ERC1: variants seen among roughly 807,000 people sequenced by gnomAD.
ERC1 encodes ELKS/RAB6-interacting/CAST family member 1.
Under a neutral mutation model 132.0 loss-of-function variants are expected in ERC1, and 56 were observed. The observed-to-expected ratio is 0.42, with a 90% CI of 0.34 to 0.53. The LOEUF (loss-of-function observed/expected upper bound fraction) is 0.53. Among genes scored for constraint, ERC1 ranks in the 20% least tolerant of loss-of-function variants. The probability of loss-of-function intolerance (pLI) is 0.03; values close to 1 mark genes in which losing one functional copy is unlikely to be tolerated. For missense variants in ERC1, 1,202 were observed against 1,349.9 expected, an observed-to-expected ratio of 0.89 and a Z score of 1.72; for synonymous variants, 478 against 476.1, an observed-to-expected ratio of 1.00 and a Z score of -0.05.
intron 15 of ERC1, among the ~76,000 whole-genome samples, chr12:1,358,947 T>G (rs964890329): frequency 7.5e-6 from 1 of 133,154 alleles, no homozygotes; most frequent in Non-Finnish European, 1.6e-5. Context: ...ATGACATAAA[T>G]CTTCTTACAT....
intron 1 of ERC1, among the ~76,000 whole-genome samples, chr12:995,602 A>G (rs1188166419): frequency 1.3e-5 from 2 of 152,154 alleles, no homozygotes; most frequent in Non-Finnish European, 2.9e-5. Flanking sequence ...TCTTTGTAGT[A>G]TTTATGATTA....
intron 15 of ERC1, among the ~76,000 whole-genome samples, chr12:1,364,172 A>G (rs936248628): frequency 1.3e-5 from 2 of 152,222 alleles, no homozygotes; most frequent in Non-Finnish European, 2.9e-5. Context: ...CTTGAATCCA[A>G]GAGTCAGACA....
Position 1,493,261 on chromosome 12 carries a change from G to A in ERC1, c.*3031G>A, listed in dbSNP as rs1362027447. The stretch of plus-strand genomic sequence containing the variant: ...TAACATGTTTAAGAAATATGGATGG[G>A]GCCGGCCACAGTGGCTCACGCCTGT... On this transcript the variant is annotated 3_prime_UTR_variant, in exon 19 of 19. Transcript: ENST00000360905. 5.4e-6 allele frequency: 1 copy of A among 186,468 alleles called. No homozygotes were observed. The highest frequency in any genetic ancestry group is 1.1e-5 in the Non-Finnish European group (1 of 88,356). 11.6% of individuals were successfully genotyped at this position (186,468 alleles called of 1,614,324 possible). A position where few individuals can be genotyped will look rare whatever the true frequency, so the allele number is the denominator to read the frequency against.
At chr12:1,302,946 A>C (rs1006126880) in intron 15 of ERC1, among the ~76,000 whole-genome samples, 1 of 152,044 alleles carries the variant, frequency 6.6e-6, no homozygotes, top group Admixed American at 6.5e-5. Flanking sequence ...CTGGGTGATA[A>C]AGTGAGATCT....
intron 3 of ERC1, among the ~76,000 whole-genome samples, chr12:1,096,102 G>GT (rs978855782): frequency 1.3e-5 from 2 of 151,838 alleles, no homozygotes; most frequent in African/African-American, 4.8e-5. Flanking sequence ...AGTTTTATGT[G>GT]TTTTTCATAG....
In ERC1 at chr12:1,181,990, T is replaced by C. The variant is rs1327515450; in HGVS notation, c.1941T>C (p.Ile647=). The C allele has an allele frequency of 6.2e-7, 1 of 1,614,034 alleles. No homozygotes were observed. The highest frequency in any genetic ancestry group is 1.1e-5 in the South Asian group (1 of 91,064). Residue 647 remains isoleucine (I), a synonymous_variant, in exon 10 of 19, where the codon ATT becomes ATC. Coordinates refer to ENST00000360905, the MANE Select transcript of ERC1 (RefSeq NM_178040.4). The part of the protein sequence containing the change: ...DRDEREKQEE[I]DNYKKDLKDL... ...ATGAGCGAGAGAAGCAAGAGGAAATTGATAACTACAAAAAAGATCTTAAAG... is the reference window on the plus strand; with the variant it reads ...ATGAGCGAGAGAAGCAAGAGGAAATCGATAACTACAAAAAAGATCTTAAAG...
chr12:1,122,701 C>CTCTATCTCTA (rs1206212267), intron 7 of ERC1, among the ~76,000 whole-genome samples: 2 of 152,260 alleles, frequency 1.3e-5, no homozygotes, highest in African/African-American at 2.4e-5. Flanking sequence ...CTATCTAAAT[C>CTCTATCTCTA]TCTGAAACAG....
At chr12:1,029,744 CTTTTTTT>C (rs747890124) in intron 2 of ERC1, among the ~76,000 whole-genome samples, 1 of 114,236 alleles carries the variant, frequency 8.8e-6, no homozygotes, top group Admixed American at 1.1e-4. Context: ...GTTAAACATA[CTTTTTTT>C]TTTTTTTTTT....
intron 15 of ERC1, among the ~76,000 whole-genome samples, chr12:1,333,473 C>T (rs1031871646): frequency 6.6e-6 from 1 of 151,704 alleles, no homozygotes; most frequent in Non-Finnish European, 1.5e-5. Flanking sequence ...GCTCAGATTA[C>T]AGGCACGTGC....
intron 8 of ERC1, 25 bp from the exon 9 acceptor site, chr12:1,180,515 C>T (rs760152741): frequency 1.5e-5 from 24 of 1,608,730 alleles, no homozygotes; most frequent in Non-Finnish European, 1.8e-5. Flanking sequence ...CCTCTCTTTT[C>T]CCTTAAATAT....
chr12:998,228 A>G (rs1961351477), intron 1 of ERC1: 1 of 152,220 alleles, frequency 6.6e-6, no homozygotes, highest in Non-Finnish European at 1.5e-5. Context: ...CTATTTTACT[A>G]TCCTGTTCTT....
In ERC1 at chr12:1,181,989, T is replaced by G; in HGVS notation, c.1940T>G (p.Ile647Ser). 1 of 1,614,002 alleles carries G rather than the reference T, an allele frequency of 6.2e-7. No individual in the cohort carries two copies. Among genetic ancestry groups the G allele is most frequent in the Non-Finnish European group, 8.5e-7 (1 of 1,179,958 alleles). ...GATGAGCGAGAGAAGCAAGAGGAAATTGATAACTACAAAAAAGATCTTAAA... is the reference window on the plus strand; with the variant it reads ...GATGAGCGAGAGAAGCAAGAGGAAAGTGATAACTACAAAAAAGATCTTAAA... ...DRDEREKQEEIDNYKKDLKDL... is the reference protein window; with the variant it reads ...DRDEREKQEESDNYKKDLKDL... The change falls in exon 10 of 19, where the codon ATT becomes AGT. Residue 647 changes from isoleucine (I) to serine (S), a missense_variant. Physicochemically the swap from Ile to Ser is moderately radical, Grantham distance 142. Coordinates refer to ENST00000360905, the MANE Select transcript of ERC1 (RefSeq NM_178040.4).
intron 1 of ERC1, among the ~76,000 whole-genome samples, chr12:1,015,716 T>A (rs1368771423): frequency 6.6e-6 from 1 of 152,224 alleles, no homozygotes; most frequent in Non-Finnish European, 1.5e-5. Flanking sequence ...AGCATATTTC[T>A]CGTCCCTAGT....
chr12:1,114,136 G>T (rs1160520215), intron 6 of ERC1, among the ~76,000 whole-genome samples: 1 of 152,070 alleles, frequency 6.6e-6, no homozygotes, highest in African/African-American at 2.4e-5. Flanking sequence ...CGATTCTCCT[G>T]CCTCAGCCTC....
intron 7 of ERC1, among the ~76,000 whole-genome samples, chr12:1,133,048 G>T (rs1168435855): frequency 2.0e-5 from 3 of 151,792 alleles, no homozygotes; most frequent in Admixed American, 2.0e-4. Flanking sequence ...AGTAGAGACG[G>T]GATTTCACAT....
rs1011549266 is a variant in ERC1, at chr12:1,494,318, G to A, written c.*4088G>A. ...AGCCCTGGGCTGCTCAGGAGGGGAC[G>A]TGAACCACTCAAAGGAATGTCTTAA... On this transcript the variant is annotated 3_prime_UTR_variant, in exon 19 of 19. Transcript: ENST00000360905. 4 of 231,232 alleles carry A rather than the reference G, an allele frequency of 1.7e-5. No individual in the cohort carries two copies. The highest frequency in any genetic ancestry group is 4.4e-5 in the African/African-American group (2 of 45,202). 14.3% of individuals were successfully genotyped at this position (231,232 alleles called of 1,614,324 possible). A position where few individuals can be genotyped will look rare whatever the true frequency, so the allele number is the denominator to read the frequency against.
At chr12:1,435,135 A>G (rs2092914710) in intron 17 of ERC1, among the ~76,000 whole-genome samples, 1 of 152,234 alleles carries the variant, frequency 6.6e-6, no homozygotes, top group Non-Finnish European at 1.5e-5. Flanking sequence ...TTCATGGTAT[A>G]TAAAATTTTC....
chr12:1,274,555 C>T (rs546342535), intron 14 of ERC1, among the ~76,000 whole-genome samples: 18 of 151,752 alleles, frequency 1.2e-4, no homozygotes, highest in African/African-American at 4.1e-4. Context: ...TGCAGTGGTG[C>T]GGTCTTGGCT....
chr12:1,486,460 T>G (rs1181078851), intron 18 of ERC1, among the ~76,000 whole-genome samples: 1 of 152,066 alleles, frequency 6.6e-6, no homozygotes, highest in African/African-American at 2.4e-5. Flanking sequence ...AGTCTTGCTC[T>G]GTCACCCAGG....
Sources: allele counts gnomAD v4.1 joint callset (sites outside exome capture counted in the v4.1 genomes callset), GRCh38; gene constraint gnomAD v4.1.1; transcripts MANE v1.5; gene names NCBI Gene and HGNC (gene_info 2026-07-23, HGNC 2026-07-21).